The following IL1RAP variants were observed in gnomAD, a reference collection of about 807,000 sequenced individuals.
IL1RAP encodes the protein interleukin-1 receptor accessory protein.
IL1RAP carries 35 observed loss-of-function variants against 60.7 expected under a neutral mutation model. The observed-to-expected ratio is 0.58, with a 90% CI of 0.44 to 0.76. The LOEUF (loss-of-function observed/expected upper bound fraction) is 0.76, where lower values mean the gene tolerates loss of function less well. Among genes scored for constraint, IL1RAP ranks in the 30% least tolerant of loss-of-function variants. IL1RAP has a pLI of 0.00. For synonymous variants in IL1RAP, 268 were observed against 250.9 expected (o/e 1.07, Z -0.64); for missense variants, 572 against 693.9 (o/e 0.82, Z 1.97).
chr3:190,528,503 C>A (rs1002288514), intron 1 of IL1RAP, among the ~76,000 whole-genome samples: 3 of 152,092 alleles, frequency 2.0e-5, no homozygotes, highest in Admixed American at 6.5e-5. Context: ...TTTCAGTTGC[C>A]TGCGTTAATA....
intron 1 of IL1RAP, among the ~76,000 whole-genome samples, chr3:190,542,605 A>G (rs564843689): frequency 2.6e-5 from 4 of 152,230 alleles, no homozygotes; most frequent in Non-Finnish European, 5.9e-5. Flanking sequence ...TCTCTCTTCT[A>G]CACACATACT....
chr3:190,612,709 A>G (rs1264837640), intron 5 of IL1RAP, among the ~76,000 whole-genome samples: 1 of 152,154 alleles, frequency 6.6e-6, no homozygotes, highest in Non-Finnish European at 1.5e-5. Context: ...GTAGCTTCTT[A>G]TGATTTATGA....
At chr3:190,576,504 G>A (rs1291101708) in intron 3 of IL1RAP, among the ~76,000 whole-genome samples, 4 of 152,164 alleles carry the variant, frequency 2.6e-5, no homozygotes, top group Non-Finnish European at 5.9e-5. Flanking sequence ...AAGTTAACGA[G>A]TGACAAAATA....
At chr3:190,517,635 A>G (rs914099443) in intron 1 of IL1RAP, among the ~76,000 whole-genome samples, 3 of 152,228 alleles carry the variant, frequency 2.0e-5, no homozygotes, top group Non-Finnish European at 4.4e-5. Context: ...CTTTGTAGCA[A>G]GCACACAGGC....
chr3:190,532,066 C>A (rs1469645918), intron 1 of IL1RAP, among the ~76,000 whole-genome samples: 1 of 152,080 alleles, frequency 6.6e-6, no homozygotes, highest in Non-Finnish European at 1.5e-5. Context: ...CTAGTTCTGG[C>A]ATAGTGCACT....
Position 190,572,869 on chromosome 3 carries a change from T to G in IL1RAP, c.64+8516T>G, listed in dbSNP as rs1278330199. On this transcript the variant is annotated intron_variant, in intron 3 of 11. Transcript: ENST00000447382. ...CAGGGTTAATGCTTTGTTTTTTTTT[T>G]TTTTTTTTTTTTGAGACGGAGTCTC... Among the ~76,000 whole-genome samples, 7 of 36,982 alleles carry G rather than the reference T, an allele frequency of 1.9e-4. 1 individual carries two copies. The highest frequency in any genetic ancestry group is 7.7e-4 in the African/African-American group (7 of 9,112). 24.3% of individuals were successfully genotyped at this position (36,982 alleles called of 152,430 possible).
At chr3:190,579,754 C>T (rs1727825970) in intron 3 of IL1RAP, among the ~76,000 whole-genome samples, 1 of 152,164 alleles carries the variant, frequency 6.6e-6, no homozygotes, top group African/African-American at 2.4e-5. Context: ...CCCACCCAAG[C>T]CCTAGGCAAC....
rs558767092 is a variant in IL1RAP, at chr3:190,596,621, A to G, written c.65-7507A>G. ...CAGCCTTAAGAAACCCTTTTGGCTGAGAGGAATGATGACTTTGTGGTTCTC... is the reference window on the plus strand; with the variant it reads ...CAGCCTTAAGAAACCCTTTTGGCTGGGAGGAATGATGACTTTGTGGTTCTC... On this transcript the variant is annotated intron_variant, in intron 3 of 11. Transcript: ENST00000447382. Among the ~76,000 whole-genome samples, 11 of 152,326 alleles carry G rather than the reference A, an allele frequency of 7.2e-5. No homozygotes were observed. The South Asian group carries it at 2.1e-3, about 29-fold the overall frequency.
intron 1 of IL1RAP, chr3:190,550,377 A>G (rs961623590): frequency 1.3e-5 from 2 of 152,210 alleles, no homozygotes; most frequent in Non-Finnish European, 2.9e-5. Context: ...AGTTTGGGAC[A>G]ATAATGTGTC....
chr3:190,653,370 A>G (rs1001080478), downstream of IL1RAP, among the ~76,000 whole-genome samples: 1 of 152,230 alleles, frequency 6.6e-6, no homozygotes, highest in African/African-American at 2.4e-5. Flanking sequence ...TATCATATGC[A>G]TTTTATAGAT....
At chr3:190,590,468 C>T (rs763124376) in intron 3 of IL1RAP, among the ~76,000 whole-genome samples, 5 of 151,974 alleles carry the variant, frequency 3.3e-5, no homozygotes, top group East Asian at 3.9e-4. Context: ...TTGCCCAAGC[C>T]GGTCGCGAAC....
chr3:190,549,915 G>C (rs1315327602), intron 1 of IL1RAP, among the ~76,000 whole-genome samples: 1 of 152,184 alleles, frequency 6.6e-6, no homozygotes, highest in Non-Finnish European at 1.5e-5. Context: ...ACGGAGTGAA[G>C]ATGGATGGCT....
chr3:190,574,117 A>G (rs900515101), intron 3 of IL1RAP, among the ~76,000 whole-genome samples: 6 of 152,132 alleles, frequency 3.9e-5, no homozygotes, highest in Non-Finnish European at 5.9e-5. Context: ...ATTTTAAAAC[A>G]TGCCAACCAA....
At chr3:190,565,996 C>T (rs1726356476) in intron 3 of IL1RAP, among the ~76,000 whole-genome samples, 1 of 150,906 alleles carries the variant, frequency 6.6e-6, no homozygotes, top group Non-Finnish European at 1.5e-5. Flanking sequence ...CTCTTGTTTC[C>T]TCCTCCTTTT....
Position 190,649,942 on chromosome 3 carries a change from ATAT to A in IL1RAP, c.*1238_*1240del. ...TATGTTACATGTAGATTATACATAT[ATAT>A]ACACACGTGTATATGAGATATATAT... On this transcript the variant is annotated 3_prime_UTR_variant, in exon 12 of 12. Coordinates refer to ENST00000447382, the MANE Select transcript of IL1RAP (RefSeq NM_002182.4). The A allele has an allele frequency of 1.2e-6, 1 of 846,716 alleles. No homozygotes were observed. 52.5% of individuals were successfully genotyped at this position (846,716 alleles called of 1,614,324 possible).
chr3:190,603,964 A>G (rs969037896), intron 3 of IL1RAP, among the ~76,000 whole-genome samples, 164 bp from the exon 4 acceptor site: 1 of 152,170 alleles, frequency 6.6e-6, no homozygotes, highest in Non-Finnish European at 1.5e-5. Context: ...GTTTCTTCAC[A>G]CCAAAGGTGC....
chr3:190,639,875 CTAAT>C (rs374174048), intron 9 of IL1RAP, among the ~76,000 whole-genome samples: 4 of 152,158 alleles, frequency 2.6e-5, no homozygotes, highest in African/African-American at 7.2e-5. Flanking sequence ...CCTGAAGTCT[CTAAT>C]TAATACTGGG....
At chr3:190,597,704 C>A (rs1729502746) in intron 3 of IL1RAP, among the ~76,000 whole-genome samples, 3 of 152,190 alleles carry the variant, frequency 2.0e-5, no homozygotes, top group African/African-American at 7.2e-5. Context: ...TATAGACAGT[C>A]TCTACCATAG....
intron 3 of IL1RAP, among the ~76,000 whole-genome samples, chr3:190,566,251 A>G (rs1003473021): frequency 6.6e-6 from 1 of 152,074 alleles, no homozygotes; most frequent in Non-Finnish European, 1.5e-5. Context: ...GTCCCTTTAC[A>G]TCCTTTCCCC....
Sources: allele counts gnomAD v4.1 joint callset (sites outside exome capture counted in the v4.1 genomes callset), GRCh38; gene constraint gnomAD v4.1.1; transcripts MANE v1.5; gene names NCBI Gene and HGNC (gene_info 2026-07-23, HGNC 2026-07-21).